Variants in FGGY observed in about 807,000 individuals in gnomAD.
The protein encoded by FGGY is FGGY carbohydrate kinase domain-containing protein.
Under a neutral mutation model 71.3 loss-of-function variants are expected in FGGY, and 72 were observed. That is an observed-to-expected ratio of 1.01 (90% CI 0.84 to 1.23). The LOEUF is 1.23. Ranked by LOEUF, FGGY falls within the 50% of genes most tolerant of loss-of-function variation. The pLI is 0.00. For synonymous variants in FGGY, 251 were observed against 250.3 expected, an observed-to-expected ratio of 1.00 and a Z score of -0.02; for missense variants, 668 against 682.3, an observed-to-expected ratio of 0.98 and a Z score of 0.23.
chr1:59,316,486 T>G (rs2045479026), intron 1 of FGGY, among the ~76,000 whole-genome samples: 1 of 152,202 alleles, frequency 6.6e-6, no homozygotes, highest in Non-Finnish European at 1.5e-5. Context: ...TTCTTAGGAT[T>G]GCTAAAACCC....
In FGGY at chr1:59,457,012, G is replaced by T; in HGVS notation, c.606G>T (p.Trp202Cys). 6.2e-7 allele frequency: 1 copy of T among 1,614,070 alleles called. No individual in the cohort carries two copies. Among genetic ancestry groups the T allele is most frequent in the Non-Finnish European group, 8.5e-7 (1 of 1,179,984 alleles). The change falls in exon 6 of 16, where the codon TGG (tryptophan) becomes TGT (cysteine). Residue 202 changes from tryptophan (W) to cysteine (C), a missense_variant. Around this residue, in one of 2 missense-constraint regions of FGGY, gnomAD observed 661 missense variants for 661.6 expected, o/e 1.00. Transcript: ENST00000303721. ...CKWTYSAEKG[W>C]DDSFWKMIGL... ...GGACATATTCAGCAGAGAAAGGCTG[G>T]GACGACAGTTTCTGGAAAATGATTG...
intron 14 of FGGY, chr1:59,699,230 TA>T: frequency 1.0e-6 from 1 of 985,306 alleles, no homozygotes; most frequent in Non-Finnish European, 1.2e-6. Context: ...TTTTTCTGGC[TA>T]AAAAATGATA....
chr1:59,561,902 CA>C (rs1193322342), intron 8 of FGGY, among the ~76,000 whole-genome samples: 1 of 152,236 alleles, frequency 6.6e-6, no homozygotes, highest in South Asian at 2.1e-4. Context: ...AATGTTTGAA[CA>C]GACATTTCAC....
At chr1:59,316,844 G>A (rs1371868735) in intron 1 of FGGY, among the ~76,000 whole-genome samples, 1 of 152,070 alleles carries the variant, frequency 6.6e-6, no homozygotes, top group African/African-American at 2.4e-5. Flanking sequence ...TCTCTTGGCC[G>A]TCCACAGTCC....
At chr1:59,592,478 A>G (rs2096461439) in intron 8 of FGGY, among the ~76,000 whole-genome samples, 1 of 152,208 alleles carries the variant, frequency 6.6e-6, no homozygotes, top group Non-Finnish European at 1.5e-5. Context: ...ATAAAGACAC[A>G]TGCACACATA....
intron 6 of FGGY, among the ~76,000 whole-genome samples, chr1:59,472,692 C>G (rs10889138): frequency 0.41 from 61,827 of 151,322 alleles, 12,763 homozygotes; most frequent in Middle Eastern, 0.5. Context: ...TGCACCAGTC[C>G]ACACTCTGTA....
chr1:59,566,302 G>A lies in FGGY; in HGVS notation c.903+12075G>A, dbSNP rs910173477. 5.9e-5 allele frequency among the ~76,000 whole-genome samples: 9 copies of A among 152,262 alleles called. No individual in the cohort carries two copies. In the East Asian group the frequency reaches 1.5e-3, roughly 26 times the overall value. On this transcript the variant is annotated intron_variant, in intron 8 of 15. Coordinates refer to ENST00000303721, the MANE Select transcript of FGGY (RefSeq NM_018291.5). ...GCTCATTTAGTTCTACATACATTTAGTTCAGAGGCTTTAGTATTTATGCCT... is the reference window on the plus strand; with the variant it reads ...GCTCATTTAGTTCTACATACATTTAATTCAGAGGCTTTAGTATTTATGCCT...
intron 6 of FGGY, among the ~76,000 whole-genome samples, chr1:59,499,185 A>T (rs1344208687): frequency 1.3e-5 from 2 of 151,934 alleles, no homozygotes; most frequent in African/African-American, 4.8e-5. Flanking sequence ...CTCTGCTTGA[A>T]CCAGAGAATA....
chr1:59,382,861 A>C (rs1210029719), intron 5 of FGGY, among the ~76,000 whole-genome samples: 1 of 152,042 alleles, frequency 6.6e-6, no homozygotes, highest in African/African-American at 2.4e-5. Flanking sequence ...TGCCTCCCTG[A>C]TTCTTTCTGA....
chr1:59,676,349 G>T (rs983133797), intron 14 of FGGY, among the ~76,000 whole-genome samples: 2 of 151,952 alleles, frequency 1.3e-5, no homozygotes, highest in South Asian at 2.1e-4. Flanking sequence ...TAATTTGTTC[G>T]ATTTGTTTTT....
intron 8 of FGGY, among the ~76,000 whole-genome samples, chr1:59,583,281 G>A (rs938151974): frequency 7.0e-6 from 1 of 143,482 alleles, no homozygotes; most frequent in Admixed American, 6.8e-5. Context: ...TAGGATGATG[G>A]CATTGGGAAG....
In FGGY at chr1:59,693,623, GGTA is replaced by G. The variant is rs1253833960; in HGVS notation, c.1512+19493_1512+19495del. Among the ~76,000 whole-genome samples the G allele has an allele frequency of 5.9e-5, 9 of 152,134 alleles. No homozygotes were observed. In the South Asian group the frequency reaches 1.0e-3, roughly 18 times the overall value. On this transcript the variant is annotated intron_variant, in intron 14 of 15. Coordinates refer to ENST00000303721, the MANE Select transcript of FGGY (RefSeq NM_018291.5). The stretch of plus-strand genomic sequence containing the variant: ...TAGAACTGTGAAAGCTGGTGGTAAT[GGTA>G]GTGGTGGTGGAGAAGGAGAAGAGGA...
At chr1:59,385,222 G>A (rs1364864846) in intron 5 of FGGY, among the ~76,000 whole-genome samples, 1 of 151,158 alleles carries the variant, frequency 6.6e-6, no homozygotes, top group African/African-American at 2.4e-5. Flanking sequence ...CCCTTTTATT[G>A]TTCTCATCCT....
intron 5 of FGGY, among the ~76,000 whole-genome samples, chr1:59,399,862 G>C (rs1264667273): frequency 6.6e-6 from 1 of 152,154 alleles, no homozygotes; most frequent in Non-Finnish European, 1.5e-5. Flanking sequence ...TTTCCATTCT[G>C]TTCAGTCTAG....
chr1:59,471,269 C>T (rs2092927750), intron 6 of FGGY, among the ~76,000 whole-genome samples: 1 of 152,188 alleles, frequency 6.6e-6, no homozygotes. Context: ...TCCTGCCTTC[C>T]TTCCCCCTCT....
chr1:59,528,476 G>T (rs901324345), intron 7 of FGGY, among the ~76,000 whole-genome samples: 2 of 152,192 alleles, frequency 1.3e-5, no homozygotes, highest in East Asian at 3.8e-4. Context: ...ACCCAAGCCA[G>T]CGTTAACAGC....
intron 8 of FGGY, among the ~76,000 whole-genome samples, chr1:59,605,069 A>G (rs1349697606): frequency 6.6e-6 from 1 of 151,874 alleles, no homozygotes; most frequent in East Asian, 1.9e-4. Flanking sequence ...TACACACAAC[A>G]CTCACACTCA....
At chr1:59,452,992 A>T (rs183478642) in intron 5 of FGGY, among the ~76,000 whole-genome samples, 5 of 152,198 alleles carry the variant, frequency 3.3e-5, no homozygotes, top group Admixed American at 3.3e-4. Flanking sequence ...GTCTTAATAG[A>T]AGACTCCCGG....
chr1:59,694,332 T>TAAAA (rs1553409399), intron 14 of FGGY, among the ~76,000 whole-genome samples: 54 of 145,864 alleles, frequency 3.7e-4, no homozygotes, highest in African/African-American at 7.1e-4. Context: ...AATAAATAAA[T>TAAAA]AAAATACTGA....
Sources: gnomAD v4.1 joint callset for allele counts (sites outside exome capture counted in the v4.1 genomes callset) on GRCh38, gnomAD v4.1.1 for gene constraint, gnomAD v4.1.1 regional missense constraint, MANE v1.5 for transcripts, NCBI Gene and HGNC (gene_info 2026-07-23, HGNC 2026-07-21) for gene names.